Variants in COG5 observed in about 807,000 individuals in gnomAD.
COG5 encodes conserved oligomeric Golgi complex subunit 5.
A neutral mutation model predicts 110.4 loss-of-function variants in COG5; 86 were observed. That is an observed-to-expected ratio of 0.78 (90% CI 0.65 to 0.93). The LOEUF is 0.93. Ranked by LOEUF, COG5 falls within the 40% of genes least tolerant of loss-of-function variation. COG5 has a pLI of 0.00. For missense variants in COG5, 1,077 were observed against 987.0 expected (o/e 1.09, Z -1.22); for synonymous variants, 360 against 334.6 (o/e 1.08, Z -0.83).
At chr7:107,508,832 G>T (rs573646524) in intron 6 of COG5, among the ~76,000 whole-genome samples, 1 of 152,274 alleles carries the variant, frequency 6.6e-6, no homozygotes, top group South Asian at 2.1e-4. Flanking sequence ...CTGTAGCAGA[G>T]GGTCCTGTCT....
chr7:107,281,523 C>T, intron 13 of COG5, 124 bp from the exon 14 acceptor site: 3 of 749,232 alleles, frequency 4.0e-6, no homozygotes, highest in Non-Finnish European at 6.9e-6. Context: ...TCACTGCTTC[C>T]AAGAACTGGT....
intron 7 of COG5, among the ~76,000 whole-genome samples, chr7:107,386,743 C>G (rs1024539186): frequency 6.6e-6 from 1 of 152,086 alleles, no homozygotes; most frequent in Non-Finnish European, 1.5e-5. Context: ...AAAAGGCATG[C>G]TAGACATAAA....
chr7:107,243,568 G>A (rs1020369986), intron 17 of COG5, among the ~76,000 whole-genome samples: 5 of 149,534 alleles, frequency 3.3e-5, no homozygotes, highest in South Asian at 2.1e-4. Flanking sequence ...ACACAATAAC[G>A]GTGGGAGACT....
intron 7 of COG5, among the ~76,000 whole-genome samples, chr7:107,411,633 AT>A (rs1323736996): frequency 6.6e-6 from 1 of 151,886 alleles, no homozygotes. Flanking sequence ...CATTTTGTAT[AT>A]GATATTCAAT....
At chr7:107,363,313 T>C (rs1813292187) in intron 8 of COG5, among the ~76,000 whole-genome samples, 1 of 152,146 alleles carries the variant, frequency 6.6e-6, no homozygotes, top group East Asian at 1.9e-4. Flanking sequence ...ACAAGGTGAA[T>C]GTGGTAGATA....
intron 6 of COG5, among the ~76,000 whole-genome samples, chr7:107,514,583 A>G (rs1799785672): frequency 6.6e-6 from 1 of 152,214 alleles, no homozygotes; most frequent in East Asian, 1.9e-4. Flanking sequence ...GAGTTTAAGA[A>G]AAGAGTATAG....
intron 7 of COG5, among the ~76,000 whole-genome samples, chr7:107,412,053 G>C (rs1792341183): frequency 1.3e-5 from 2 of 152,042 alleles, no homozygotes; most frequent in Admixed American, 6.5e-5. Context: ...TCTGGGACTA[G>C]AGTGATTAAA....
intron 6 of COG5, among the ~76,000 whole-genome samples, chr7:107,420,750 C>T (rs963167789): frequency 1.3e-5 from 2 of 152,178 alleles, no homozygotes; most frequent in Non-Finnish European, 1.5e-5. Flanking sequence ...CGTGAGCCAC[C>T]GTGCCCATCC....
intron 5 of COG5, among the ~76,000 whole-genome samples, chr7:107,540,394 A>G (rs1213696770): frequency 1.3e-5 from 2 of 151,020 alleles, no homozygotes; most frequent in African/African-American, 4.9e-5. Flanking sequence ...CAACATGGTG[A>G]GACTCCCATC....
intron 3 of COG5, among the ~76,000 whole-genome samples, chr7:107,552,815 G>A (rs1187307527): frequency 1.3e-5 from 2 of 152,052 alleles, no homozygotes; most frequent in African/African-American, 4.8e-5. Flanking sequence ...ACATGCACTT[G>A]TATGTTCATC....
chr7:107,232,449 C>A (rs575893679), intron 18 of COG5, among the ~76,000 whole-genome samples: 2 of 152,124 alleles, frequency 1.3e-5, no homozygotes, highest in East Asian at 3.8e-4. Flanking sequence ...ATATTTTTCA[C>A]GAAGTGTTTT....
intron 7 of COG5, among the ~76,000 whole-genome samples, chr7:107,375,488 G>A (rs1814554592): frequency 6.6e-6 from 1 of 152,048 alleles, no homozygotes; most frequent in African/African-American, 2.4e-5. Flanking sequence ...TATGAAAACT[G>A]TGGATGCCCC....
chr7:107,343,623 G>A (rs1478740395), intron 10 of COG5, among the ~76,000 whole-genome samples: 1 of 152,166 alleles, frequency 6.6e-6, no homozygotes, highest in East Asian at 1.9e-4. Context: ...AGAGATTGCA[G>A]CGAGCTGACG....
At chr7:107,373,104 C>T (rs1034702652) in intron 7 of COG5, among the ~76,000 whole-genome samples, 1 of 151,988 alleles carries the variant, frequency 6.6e-6, no homozygotes, top group African/African-American at 2.4e-5. Context: ...TTAGAAATAA[C>T]ATTTGTTATT....
chr7:107,227,132 C>G (rs1472440097), intron 19 of COG5, among the ~76,000 whole-genome samples: 1 of 152,154 alleles, frequency 6.6e-6, no homozygotes, highest in Non-Finnish European at 1.5e-5. Context: ...CGTGAGAAAT[C>G]TGAGAAATGG....
intron 6 of COG5, among the ~76,000 whole-genome samples, chr7:107,445,775 C>T (rs1266207957): frequency 6.6e-6 from 1 of 152,222 alleles, no homozygotes; most frequent in African/African-American, 2.4e-5. Context: ...ATCAACCATT[C>T]ACTCATGCAC....
chr7:107,338,362 T>C (rs1193988383), intron 10 of COG5, among the ~76,000 whole-genome samples: 3 of 152,116 alleles, frequency 2.0e-5, no homozygotes, highest in Non-Finnish European at 2.9e-5. Flanking sequence ...GGCCATATGA[T>C]CTTTGACAAG....
intron 11 of COG5, among the ~76,000 whole-genome samples, chr7:107,316,427 C>T (rs1055759269): frequency 7.2e-5 from 11 of 151,784 alleles, no homozygotes; most frequent in African/African-American, 2.4e-4. Context: ...AAGAAAGGTA[C>T]AGGAAAAAAT....
intron 19 of COG5, among the ~76,000 whole-genome samples, chr7:107,213,432 G>C (rs1584527655): frequency 6.6e-6 from 1 of 152,270 alleles, no homozygotes; most frequent in East Asian, 1.9e-4. Context: ...ATAACCTCTG[G>C]ACTTGTCTAG....
Sources: gnomAD v4.1 joint callset for allele counts (sites outside exome capture counted in the v4.1 genomes callset) on GRCh38, gnomAD v4.1.1 for gene constraint, MANE v1.5 for transcripts, NCBI Gene and HGNC (gene_info 2026-07-23, HGNC 2026-07-21) for gene names.